TNS4: variants seen among roughly 807,000 people sequenced by gnomAD.
The protein encoded by TNS4 is tensin-4.
In TNS4, 46 loss-of-function variants were observed where a neutral mutation model predicts 70.4. The observed-to-expected ratio is 0.65, with a 90% CI of 0.52 to 0.84. The LOEUF is 0.84. Ranked by LOEUF, TNS4 falls within the 40% of genes least tolerant of loss-of-function variation. The pLI is 0.00. For synonymous variants in TNS4, 390 were observed against 366.6 expected (o/e 1.06, Z -0.73); for missense variants, 863 against 907.0 (o/e 0.95, Z 0.62).
chr17:40,489,952 T>A (rs1280049284), intron 2 of TNS4, among the ~76,000 whole-genome samples: 1 of 151,928 alleles, frequency 6.6e-6, no homozygotes, highest in Non-Finnish European at 1.5e-5. Flanking sequence ...TTTGTTTGTT[T>A]TCCAGTTTTT....
At chr17:40,482,585 GACACACACACACAC>G (rs3833860) in intron 6 of TNS4, among the ~76,000 whole-genome samples, 169 bp from the exon 7 acceptor site, 1 of 144,998 alleles carries the variant, frequency 6.9e-6, no homozygotes, top group Admixed American at 6.9e-5. Context: ...CTCTACTAAA[GACACACACACACAC>G]ACACACACAC....
At chr17:40,477,801 G>A in intron 12 of TNS4, 72 bp from the exon 13 acceptor site, 2 of 1,442,174 alleles carry the variant, frequency 1.4e-6, no homozygotes, top group Non-Finnish European at 1.9e-6. Flanking sequence ...ATGGGGTGGT[G>A]GGGGGCCCTC....
intron 2 of TNS4, among the ~76,000 whole-genome samples, chr17:40,489,584 G>A (rs972425737): frequency 1.3e-5 from 2 of 152,086 alleles, no homozygotes; most frequent in Non-Finnish European, 2.9e-5. Context: ...TAGGCGGGTG[G>A]ATCACCTGAG....
chr17:40,491,764 G>A (rs1315536574), intron 2 of TNS4, among the ~76,000 whole-genome samples: 1 of 152,200 alleles, frequency 6.6e-6, no homozygotes, highest in African/African-American at 2.4e-5. Context: ...GCTGTTTACT[G>A]GCCTGTGGGG....
intron 4 of TNS4, 45 bp downstream of exon 4, chr17:40,486,991 A>G: frequency 6.3e-7 from 1 of 1,595,886 alleles, no homozygotes; most frequent in Non-Finnish European, 8.6e-7. Context: ...CACTTTGTCT[A>G]TTCCCCAAAT....
At chr17:40,490,647 G>A (rs1044227706) in intron 2 of TNS4, among the ~76,000 whole-genome samples, 38 of 152,228 alleles carry the variant, frequency 2.5e-4, no homozygotes, top group African/African-American at 8.9e-4. Flanking sequence ...GGGCCACGGT[G>A]GGGGTGGGGA....
At chr17:40,493,453 C>A (rs761347368) in intron 2 of TNS4, among the ~76,000 whole-genome samples, 1 of 152,076 alleles carries the variant, frequency 6.6e-6, no homozygotes, top group Non-Finnish European at 1.5e-5. Context: ...GTAGGGTCTG[C>A]GGGGAGGATT....
Position 40,477,556 on chromosome 17 carries a change from G to A in TNS4, c.*32C>T, listed in dbSNP as rs760482098. On this transcript the variant is annotated 3_prime_UTR_variant, in exon 13 of 13. Coordinates refer to ENST00000254051, the MANE Select transcript of TNS4 (RefSeq NM_032865.6). Reference sequence around the variant, plus strand: ...GGGGGCTCCTTAGCGAGCCCCTGGAGGTGTTGGTTAGGTGCACAGGCAGTC... The same window carrying A: ...GGGGGCTCCTTAGCGAGCCCCTGGAAGTGTTGGTTAGGTGCACAGGCAGTC... 1 of 1,612,424 alleles carries A rather than the reference G, an allele frequency of 6.2e-7. No individual in the cohort carries two copies. The highest frequency in any genetic ancestry group is 8.5e-7 in the Non-Finnish European group (1 of 1,178,954).
chr17:40,489,796 C>CAAAAAAAAAAAA lies in TNS4; in HGVS notation c.440-839_440-828dup, dbSNP rs11463268. Among the ~76,000 whole-genome samples, 210 of 105,426 alleles carry CAAAAAAAAAAAA rather than the reference C, an allele frequency of 2.0e-3. 2 individuals carry two copies. The highest frequency in any genetic ancestry group is 7.4e-3 in the African/African-American group (198 of 26,794). 69.2% of individuals were successfully genotyped at this position (105,426 alleles called of 152,430 possible). A position where few individuals can be genotyped will look rare whatever the true frequency, so the allele number is the denominator to read the frequency against. ...AGTGACAAGAGTGAAGCCCCATCTC[C>CAAAAAAAAAAAA]AAAAAAAAAAAAAAAAAGGAAGTGG... On this transcript the variant is annotated intron_variant, in intron 2 of 12. Coordinates refer to ENST00000254051, the MANE Select transcript of TNS4 (RefSeq NM_032865.6).
chr17:40,487,388 G>A lies in TNS4; in HGVS notation c.936C>T (p.Asn312=), dbSNP rs770366854. Reference sequence around the variant, plus strand: ...CAAGGCTGTGGAGGCTGGAGGAAGAGTTGGCTGGACTTTCCAAGGATCTGG... The same window carrying A: ...CAAGGCTGTGGAGGCTGGAGGAAGAATTGGCTGGACTTTCCAAGGATCTGG... The part of the protein sequence containing the change: ...SSSRSLESPA[N]SSSSLHSLGS... Residue 312 remains asparagine (N), a synonymous_variant, in exon 4 of 13, where the codon AAC becomes AAT. Transcript: ENST00000254051. The A allele has an allele frequency of 3.1e-6, 5 of 1,614,190 alleles. No homozygotes were observed. The highest frequency in any genetic ancestry group is 1.1e-5 in the South Asian group (1 of 91,078).
At chr17:40,478,498 C>A in intron 11 of TNS4, 82 bp downstream of exon 11, 2 of 1,578,568 alleles carry the variant, frequency 1.3e-6, no homozygotes, top group Non-Finnish European at 1.7e-6. Flanking sequence ...CTCTGGGATC[C>A]CAGGCCCAGA....
intron 1 of TNS4, 130 bp from the exon 2 acceptor site, chr17:40,496,650 G>A: frequency 3.7e-6 from 2 of 547,188 alleles, no homozygotes; most frequent in Non-Finnish European, 6.4e-6. Flanking sequence ...ACCTGAGTTT[G>A]CAGCCTGGCT....
At chr17:40,486,474 C>T (rs1413494082) in intron 4 of TNS4, among the ~76,000 whole-genome samples, 3 of 152,086 alleles carry the variant, frequency 2.0e-5, no homozygotes, top group Non-Finnish European at 4.4e-5. Context: ...CTGACCCCAT[C>T]ACTCTCCTGT....
At chr17:40,499,365 A>C (rs1442514295) in intron 1 of TNS4, among the ~76,000 whole-genome samples, 1 of 152,132 alleles carries the variant, frequency 6.6e-6, no homozygotes, top group Non-Finnish European at 1.5e-5. Flanking sequence ...TCGGCTCTTG[A>C]GACAGGAGTC....
At position 40,478,590 on chromosome 17, in the gene TNS4, C is replaced by G; in HGVS notation, c.1969G>C (p.Glu657Gln). The stretch of plus-strand genomic sequence containing the variant: ...CAGCCTTGAACTTACTTCCGTTGCT[C>G]AGGGTCCATACCACAGAAGCGGAGG... ...TTLRFCGMDP[E>Q]QRKWQKYCKP... Residue 657 changes from glutamate to glutamine, a missense_variant, in exon 11 of 13, where the codon GAG becomes CAG. Glu to Gln is a conservative substitution (Grantham distance 29, BLOSUM62 2). Transcript: ENST00000254051. 1 of 1,614,156 alleles carries G rather than the reference C, an allele frequency of 6.2e-7. No individual in the cohort carries two copies. The highest frequency in any genetic ancestry group is 1.3e-5 in the African/African-American group (1 of 75,078).
At chr17:40,482,062 A>G (rs2035927788) in intron 8 of TNS4, 67 bp downstream of exon 8, 1 of 1,559,972 alleles carries the variant, frequency 6.4e-7, no homozygotes, top group East Asian at 2.3e-5. Flanking sequence ...GTAGGAGTGA[A>G]CCCCATTTCT....
intron 12 of TNS4, 147 bp downstream of exon 12, chr17:40,478,160 G>A (rs2035873929): frequency 4.8e-6 from 5 of 1,049,284 alleles, no homozygotes; most frequent in South Asian, 4.2e-5. Flanking sequence ...GGCAGTCAAA[G>A]TCTTTCCCAT....
chr17:40,478,104 AG>A, intron 12 of TNS4: 2 of 662,930 alleles, frequency 3.0e-6, no homozygotes. Flanking sequence ...CAGAAGATTG[AG>A]GGCTCCCAGG....
intron 9 of TNS4, 119 bp from the exon 10 acceptor site, chr17:40,479,961 G>A: frequency 1.6e-6 from 2 of 1,287,840 alleles, no homozygotes; most frequent in Non-Finnish European, 2.1e-6. Context: ...TCCTCTTAGA[G>A]CCGCCACCCA....
Sources: gnomAD v4.1 joint callset for allele counts (sites outside exome capture counted in the v4.1 genomes callset) on GRCh38, gnomAD v4.1.1 for gene constraint, MANE v1.5 for transcripts, NCBI Gene and HGNC (gene_info 2026-07-23, HGNC 2026-07-21) for gene names.